KCNH7: variants seen among roughly 807,000 people sequenced by gnomAD.
KCNH7 encodes the protein voltage-gated inwardly rectifying potassium channel KCNH7.
In KCNH7, 49 loss-of-function variants were observed where a neutral mutation model predicts 120.8. The observed-to-expected ratio is 0.41, with a 90% confidence interval of 0.32 to 0.51. The LOEUF (loss-of-function observed/expected upper bound fraction) is 0.51. Among genes scored for constraint, KCNH7 ranks in the 20% least tolerant of loss-of-function variants. The pLI is 0.38. For synonymous variants in KCNH7, 547 were observed against 516.1 expected (o/e 1.06, Z -0.81); for missense variants, 1,097 against 1,446.6 (o/e 0.76, Z 3.92).
At chr2:162,697,700 T>C (rs1253029296) in intron 2 of KCNH7, among the ~76,000 whole-genome samples, 1 of 152,104 alleles carries the variant, frequency 6.6e-6, no homozygotes, top group African/African-American at 2.4e-5. Context: ...GCTAAACATT[T>C]GTTTTGCATG....
chr2:162,751,410 C>A (rs1688545374), intron 2 of KCNH7, among the ~76,000 whole-genome samples: 2 of 152,018 alleles, frequency 1.3e-5, no homozygotes, highest in Non-Finnish European at 2.9e-5. Context: ...CTACTGTCAC[C>A]TTTTTGCCAT....
chr2:162,398,342 G>A (rs1306859013), intron 10 of KCNH7, among the ~76,000 whole-genome samples: 3 of 151,850 alleles, frequency 2.0e-5, no homozygotes, highest in African/African-American at 4.8e-5. Context: ...GAATTCAATA[G>A]TGAGAAATCA....
intron 2 of KCNH7, among the ~76,000 whole-genome samples, chr2:162,673,471 G>T (rs543433541): frequency 6.6e-6 from 1 of 151,594 alleles, no homozygotes; most frequent in African/African-American, 2.4e-5. Flanking sequence ...ACCCTGTCAT[G>T]CTTCTTAATC....
chr2:162,512,582 G>T, intron 5 of KCNH7, 72 bp downstream of exon 5: 2 of 1,353,146 alleles, frequency 1.5e-6, no homozygotes, highest in Non-Finnish European at 2.1e-6. Context: ...AGGGCATACA[G>T]CAGGCAAGTT....
intron 2 of KCNH7, among the ~76,000 whole-genome samples, chr2:162,603,031 T>A (rs1325809471): frequency 2.0e-5 from 3 of 151,536 alleles, no homozygotes; most frequent in Non-Finnish European, 2.9e-5. Flanking sequence ...AGGGTTGGAC[T>A]AGTCCAGCAT....
chr2:162,434,732 T>C (rs1688182220), intron 8 of KCNH7, among the ~76,000 whole-genome samples: 1 of 151,906 alleles, frequency 6.6e-6, no homozygotes, highest in Admixed American at 6.6e-5. Context: ...TACACATACA[T>C]ACATATGTAT....
intron 2 of KCNH7, among the ~76,000 whole-genome samples, chr2:162,648,681 G>A (rs1684460569): frequency 1.3e-5 from 2 of 152,142 alleles, no homozygotes; most frequent in South Asian, 4.1e-4. Flanking sequence ...CTGTGGCCCA[G>A]AGCCAAATCC....
At chr2:162,751,481 C>A (rs1316840674) in intron 2 of KCNH7, among the ~76,000 whole-genome samples, 1 of 151,922 alleles carries the variant, frequency 6.6e-6, no homozygotes, top group African/African-American at 2.4e-5. Context: ...CTAAATATAA[C>A]TGATGTTATA....
chr2:162,778,655 A>AT, intron 2 of KCNH7, among the ~76,000 whole-genome samples: 1 of 152,256 alleles, frequency 6.6e-6, no homozygotes, highest in East Asian at 1.9e-4. Context: ...TCAAAAGTAT[A>AT]TTTTATCATG....
At chr2:162,465,248 T>G (rs1689270506) in intron 6 of KCNH7, among the ~76,000 whole-genome samples, 1 of 152,166 alleles carries the variant, frequency 6.6e-6, no homozygotes, top group African/African-American at 2.4e-5. Context: ...CTAAGCGATC[T>G]CTAATATCCC....
chr2:162,546,120 A>G (rs1205628623), intron 2 of KCNH7, among the ~76,000 whole-genome samples: 3 of 152,188 alleles, frequency 2.0e-5, no homozygotes, highest in African/African-American at 2.4e-5. Flanking sequence ...AAGATGTCCT[A>G]TGGTGCTTAC....
chr2:162,816,188 C>G (rs1684912096), intron 2 of KCNH7, among the ~76,000 whole-genome samples: 1 of 130,312 alleles, frequency 7.7e-6, no homozygotes, highest in African/African-American at 2.9e-5. Context: ...ATCCAGGAGG[C>G]AGAGATTGAG....
rs145079872 is a variant in KCNH7 at position 162,466,275 on chromosome 2, T to A, written c.1129-19832A>T. Among the ~76,000 whole-genome samples, 748 of 152,272 alleles carry A rather than the reference T, an allele frequency of 4.9e-3. 1 individual carries two copies. The highest frequency in any genetic ancestry group is 0.01 in the Admixed American group (160 of 15,292). ...GTATTAGTTCATTCTCATGCTGCTA[T>A]AAAGAACCGCCCAAGACTGGGTAAT... On this transcript the variant is annotated intron_variant, in intron 6 of 15. Coordinates refer to ENST00000332142, the MANE Select transcript of KCNH7 (RefSeq NM_033272.4).
At chr2:162,576,518 T>C (rs1693675737) in intron 2 of KCNH7, among the ~76,000 whole-genome samples, 1 of 100,192 alleles carries the variant, frequency 1.0e-5, no homozygotes, top group Non-Finnish European at 2.0e-5. Flanking sequence ...CTAATGAAAT[T>C]AGTACTCCTT....
At chr2:162,463,544 T>C (rs1689215843) in intron 6 of KCNH7, among the ~76,000 whole-genome samples, 1 of 152,014 alleles carries the variant, frequency 6.6e-6, no homozygotes, top group East Asian at 1.9e-4. Flanking sequence ...CGACCCCACA[T>C]GCATTGCTGC....
chr2:162,800,320 C>T (rs1684298101), intron 2 of KCNH7, among the ~76,000 whole-genome samples: 1 of 151,592 alleles, frequency 6.6e-6, no homozygotes, highest in Admixed American at 6.6e-5. Flanking sequence ...AAAAAGAAAG[C>T]TTTTCTTTTT....
chr2:162,802,874 G>T (rs1434602133), intron 2 of KCNH7, among the ~76,000 whole-genome samples: 2 of 151,642 alleles, frequency 1.3e-5, no homozygotes, highest in Non-Finnish European at 3.0e-5. Context: ...TTATGCTTCA[G>T]ATTTTTTATT....
intron 2 of KCNH7, among the ~76,000 whole-genome samples, chr2:162,706,064 C>G (rs1011786354): frequency 6.6e-6 from 1 of 152,100 alleles, no homozygotes; most frequent in African/African-American, 2.4e-5. Flanking sequence ...TTTCAAGTCA[C>G]AGCAGAGTGC....
chr2:162,387,668 A>T (rs1686614678), intron 12 of KCNH7, among the ~76,000 whole-genome samples: 1 of 151,616 alleles, frequency 6.6e-6, no homozygotes, highest in East Asian at 1.9e-4. Context: ...TTGTTTCTTT[A>T]GGTGGACAGT....
Sources: gnomAD v4.1 joint callset for allele counts (sites outside exome capture counted in the v4.1 genomes callset) on GRCh38, gnomAD v4.1.1 for gene constraint, MANE v1.5 for transcripts, NCBI Gene and HGNC (gene_info 2026-07-23, HGNC 2026-07-21) for gene names.